TTLL11: variants seen among roughly 807,000 people sequenced by gnomAD.
TTLL11 encodes the protein tubulin polyglutamylase TTLL11.
A neutral mutation model predicts 51.7 loss-of-function variants in TTLL11; 42 were observed. The ratio of observed to expected loss-of-function variants is 0.81; its 90% CI spans 0.64 to 1.05. The LOEUF (loss-of-function observed/expected upper bound fraction) is 1.05, where lower values mean the gene tolerates loss of function less well. Among genes scored for constraint, TTLL11 ranks in the 50% least tolerant of loss-of-function variants. TTLL11 has a pLI of 0.00. For missense variants in TTLL11, 799 were observed against 940.4 expected (o/e 0.85, Z 1.97); for synonymous variants, 381 against 383.5 (o/e 0.99, Z 0.08).
At chr9:121,999,086 A>G (rs916356603) in intron 3 of TTLL11, among the ~76,000 whole-genome samples, 6 of 152,186 alleles carry the variant, frequency 3.9e-5, no homozygotes, top group Non-Finnish European at 8.8e-5. Context: ...TGCCCACTAC[A>G]TCCCCAGCTA....
At chr9:121,840,713 G>C (rs1356491024) in intron 8 of TTLL11, among the ~76,000 whole-genome samples, 2 of 152,164 alleles carry the variant, frequency 1.3e-5, no homozygotes, top group African/African-American at 4.8e-5. Context: ...CAGTTTCAAT[G>C]AGGAGGCAGA....
chr9:122,072,109 T>G (rs555525707), intron 1 of TTLL11, among the ~76,000 whole-genome samples: 28 of 152,222 alleles, frequency 1.8e-4, no homozygotes, highest in Non-Finnish European at 3.7e-4. Context: ...CATGATGGTA[T>G]GCACCTATAA....
rs1490107386 is a variant in TTLL11 at position 121,835,834 on chromosome 9, G to T, written c.1841-12955C>A. 4.6e-5 allele frequency among the ~76,000 whole-genome samples: 7 copies of T among 152,288 alleles called. No individual in the cohort carries two copies. In the East Asian group the frequency reaches 9.6e-4, roughly 21 times the overall value. On this transcript the variant is annotated intron_variant, in intron 8 of 8. Coordinates refer to ENST00000321582, the MANE Select transcript of TTLL11 (RefSeq NM_001139442.2). ...AGACAGGGCCACAGTTCTAGTCACT[G>T]CTTCCTGCAACTGCTTCATGCTGTT...
chr9:121,848,682 T>C (rs1837582825), intron 8 of TTLL11, among the ~76,000 whole-genome samples: 1 of 152,058 alleles, frequency 6.6e-6, no homozygotes, highest in Non-Finnish European at 1.5e-5. Flanking sequence ...AAATAAAATA[T>C]TTAGGTATAA....
At chr9:121,832,908 C>G (rs1837066161) in intron 8 of TTLL11, among the ~76,000 whole-genome samples, 1 of 152,198 alleles carries the variant, frequency 6.6e-6, no homozygotes, top group Non-Finnish European at 1.5e-5. Flanking sequence ...TCAGTGCACT[C>G]CAGCCTGGGC....
intron 3 of TTLL11, among the ~76,000 whole-genome samples, chr9:122,019,652 T>C (rs942356107): frequency 2.0e-5 from 3 of 152,164 alleles, no homozygotes; most frequent in African/African-American, 7.2e-5. Context: ...GGTTTCGTCA[T>C]GTTGCCCAGG....
rs911256280 is a variant in TTLL11, at chr9:121,967,226, T to G, written c.1481+6783A>C. Among the ~76,000 whole-genome samples the G allele has an allele frequency of 2.0e-3, 265 of 133,362 alleles. 3 individuals carry two copies. Among genetic ancestry groups the G allele is most frequent in the Non-Finnish European group, 3.2e-3 (200 of 61,760 alleles). 87.5% of individuals were successfully genotyped at this position (133,362 alleles called of 152,430 possible). A position where few individuals can be genotyped will look rare whatever the true frequency, so the allele number is the denominator to read the frequency against. ...CAGCGGGAGATTTTTTTTTTTTTTT[T>G]TTTTTTTTTTTTTTTTTGAGAGGAG... On this transcript the variant is annotated intron_variant, in intron 6 of 8. Transcript: ENST00000321582.
At chr9:121,834,814 G>A (rs1837138849) in intron 8 of TTLL11, among the ~76,000 whole-genome samples, 2 of 147,986 alleles carry the variant, frequency 1.4e-5, no homozygotes, top group African/African-American at 2.5e-5. Context: ...GCGACAGAGT[G>A]AGACTCTGTC....
chr9:121,932,539 T>G (rs1432458607), intron 6 of TTLL11, among the ~76,000 whole-genome samples: 1 of 152,130 alleles, frequency 6.6e-6, no homozygotes, highest in Non-Finnish European at 1.5e-5. Context: ...TCATCCACAA[T>G]CATTAGCAGC....
intron 6 of TTLL11, among the ~76,000 whole-genome samples, chr9:121,873,623 TCCTCCTCCTCCTCCTC>T: frequency 6.7e-6 from 1 of 148,768 alleles, no homozygotes; most frequent in Non-Finnish European, 1.5e-5. Flanking sequence ...CGCCTCCTCC[TCCTCCTCCTCCTCCTC>T]CTCTCTTCTT....
At chr9:121,907,400 A>G (rs1839983213) in intron 6 of TTLL11, among the ~76,000 whole-genome samples, 1 of 152,020 alleles carries the variant, frequency 6.6e-6, no homozygotes, top group Admixed American at 6.6e-5. Flanking sequence ...CAGTGAGCTG[A>G]AATCATGCCA....
Position 121,989,317 on chromosome 9 carries a change from T to C in TTLL11, c.1147A>G (p.Lys383Glu), listed in dbSNP as rs1159708433. The change falls in exon 4 of 9, where the codon AAG becomes GAG. Residue 383 changes from lysine to glutamate, a missense_variant. Lys to Glu is a moderately conservative substitution (Grantham distance 56, BLOSUM62 1). Around this residue, in one of 3 missense-constraint regions of TTLL11, gnomAD observed 468 missense variants for 612.8 expected, o/e 0.76. Transcript: ENST00000321582. This position sits in a 1 kb window ranked among gnomAD's most constrained non-coding sequence, Gnocchi z 4.2. ...CRLSSKGVDIKKVWSDIISVV... is the reference protein window; with the variant it reads ...CRLSSKGVDIEKVWSDIISVV... ...GAGATGATGTCAGACCAGACCTTCTTGATGTCAACGCCTTTGGAAGACAGT... is the reference window on the plus strand; with the variant it reads ...GAGATGATGTCAGACCAGACCTTCTCGATGTCAACGCCTTTGGAAGACAGT... The C allele has an allele frequency of 6.2e-7, 1 of 1,614,200 alleles. No homozygotes were observed. The highest frequency in any genetic ancestry group is 8.5e-7 in the Non-Finnish European group (1 of 1,180,042).
intron 1 of TTLL11, among the ~76,000 whole-genome samples, chr9:122,071,345 G>A (rs147017902): frequency 1.9e-3 from 288 of 152,256 alleles, no homozygotes; most frequent in South Asian, 0.01. Context: ...ATGAGAATGC[G>A]AGCCGCACAC....
At chr9:121,858,396 T>C (rs1329225836) in intron 8 of TTLL11, among the ~76,000 whole-genome samples, 2 of 152,182 alleles carry the variant, frequency 1.3e-5, no homozygotes, top group African/African-American at 4.8e-5. Context: ...TTTCCTCCTC[T>C]GCACAATGGA....
chr9:121,873,642 CTCTTCT>C (rs376804339), intron 6 of TTLL11, among the ~76,000 whole-genome samples: 13 of 134,050 alleles, frequency 9.7e-5, no homozygotes, highest in South Asian at 5.3e-4. Flanking sequence ...TCCTCCTCCT[CTCTTCT>C]TCTTCTTCTT....
intron 6 of TTLL11, among the ~76,000 whole-genome samples, chr9:121,892,066 A>G (rs975925176): frequency 3.4e-5 from 5 of 147,618 alleles, no homozygotes; most frequent in Admixed American, 1.4e-4. Flanking sequence ...TAAAAAATAT[A>G]TAAACTATAT....
At chr9:122,024,695 C>G (rs1273088986) in intron 3 of TTLL11, among the ~76,000 whole-genome samples, 1 of 152,150 alleles carries the variant, frequency 6.6e-6, no homozygotes, top group Non-Finnish European at 1.5e-5. Flanking sequence ...GTGTTCTGAT[C>G]AAATGTTTCT....
intron 1 of TTLL11, among the ~76,000 whole-genome samples, chr9:122,044,360 T>C (rs1462589982): frequency 1.3e-5 from 2 of 152,156 alleles, no homozygotes; most frequent in Admixed American, 1.3e-4. Context: ...TTATAATCCT[T>C]TGGGTATATA....
rs1003064252 is a variant in TTLL11, at chr9:121,819,576, G to T, written c.*3011C>A. 31 of 152,708 alleles carry T rather than the reference G, an allele frequency of 2.0e-4. No homozygotes were observed. Among genetic ancestry groups the T allele is most frequent in the African/African-American group, 6.7e-4 (28 of 41,582 alleles). 9.5% of individuals were successfully genotyped at this position (152,708 alleles called of 1,614,324 possible). A position where few individuals can be genotyped will look rare whatever the true frequency, so the allele number is the denominator to read the frequency against. On this transcript the variant is annotated 3_prime_UTR_variant, in exon 9 of 9. Coordinates refer to ENST00000321582, the MANE Select transcript of TTLL11 (RefSeq NM_001139442.2). ...AGGGAGAGGACTGTGTGTGCATTGA[G>T]GGTGGGGAGAGACAGGCGTCAGGAG...
Sources: allele counts gnomAD v4.1 joint callset (sites outside exome capture counted in the v4.1 genomes callset), GRCh38; gene constraint gnomAD v4.1.1; regional missense constraint gnomAD v4.1.1; non-coding constraint Gnocchi (gnomAD v3.1); transcripts MANE v1.5; gene names NCBI Gene and HGNC (gene_info 2026-07-23, HGNC 2026-07-21).